USP15: variants seen among roughly 807,000 people sequenced by gnomAD.
The protein encoded by USP15 is ubiquitin specific peptidase 15.
Under a neutral mutation model 127.1 loss-of-function variants are expected in USP15, and 18 were observed. That is an observed-to-expected ratio of 0.14 (90% confidence interval 0.10 to 0.21). The LOEUF is 0.21. Ranked by LOEUF, USP15 falls within the 10% of genes least tolerant of loss-of-function variation. USP15 has a pLI of 1.00. For synonymous variants in USP15, 364 were observed against 393.7 expected (o/e 0.92, Z 0.89); for missense variants, 805 against 1,159.9 (o/e 0.69, Z 4.44).
chr12:62,326,067 G>T (rs2065113032), intron 6 of USP15, 134 bp downstream of exon 6: 2 of 701,720 alleles, frequency 2.9e-6, no homozygotes, highest in South Asian at 2.8e-5. Flanking sequence ...TGAGTATTTT[G>T]TTCTTAGTAT....
chr12:62,346,052 T>G (rs1161188590), intron 6 of USP15, among the ~76,000 whole-genome samples: 1 of 152,174 alleles, frequency 6.6e-6, no homozygotes, highest in East Asian at 1.9e-4. Flanking sequence ...CGTAGTCGTT[T>G]CCTAACGTAA....
chr12:62,313,805 G>T (rs10506440), intron 3 of USP15, among the ~76,000 whole-genome samples: 33,984 of 151,468 alleles, frequency 0.22, 4,153 homozygotes, highest in African/African-American at 0.34. Flanking sequence ...ATAAAAATGT[G>T]TGTTGGATTA....
At chr12:62,318,154 A>C (rs73137519) in intron 4 of USP15, among the ~76,000 whole-genome samples, 11,700 of 152,254 alleles carry the variant, frequency 0.077, 583 homozygotes, top group Middle Eastern at 0.16. Context: ...CCATCAGCCA[A>C]GCTCAGCCAC....
At chr12:62,288,172 G>A (rs1221277964) in intron 1 of USP15, among the ~76,000 whole-genome samples, 1 of 151,998 alleles carries the variant, frequency 6.6e-6, no homozygotes, top group Non-Finnish European at 1.5e-5. Context: ...TCTGTAGATT[G>A]CTTTGGGCGG....
intron 1 of USP15, among the ~76,000 whole-genome samples, chr12:62,270,462 A>T (rs1364006434): frequency 6.6e-6 from 1 of 152,066 alleles, no homozygotes; most frequent in African/African-American, 2.4e-5. Context: ...GGATTTACTC[A>T]TATATTTTCT....
intron 1 of USP15, among the ~76,000 whole-genome samples, chr12:62,288,958 T>C (rs2063866788): frequency 6.6e-6 from 1 of 152,182 alleles, no homozygotes; most frequent in Admixed American, 6.5e-5. Context: ...CATGGTGTAT[T>C]ATCTTTTCGA....
At chr12:62,329,325 C>G (rs927557136) in intron 6 of USP15, among the ~76,000 whole-genome samples, 1 of 152,088 alleles carries the variant, frequency 6.6e-6, no homozygotes, top group Non-Finnish European at 1.5e-5. Flanking sequence ...GAGCCAAGAT[C>G]GTGCCACTGC....
intron 1 of USP15, among the ~76,000 whole-genome samples, chr12:62,269,126 A>T (rs1004489613): frequency 1.3e-5 from 2 of 152,122 alleles, no homozygotes; most frequent in East Asian, 3.9e-4. Context: ...TCACTTAATG[A>T]CAAGGATAAC....
intron 6 of USP15, chr12:62,335,576 C>G (rs1053090506): frequency 6.2e-5 from 63 of 1,024,306 alleles, no homozygotes; most frequent in Non-Finnish European, 6.7e-5. Context: ...CATAGTGCCA[C>G]ACATATGGTA....
At chr12:62,353,519 G>C (rs1480572131) in intron 7 of USP15, among the ~76,000 whole-genome samples, 3 of 152,008 alleles carry the variant, frequency 2.0e-5, no homozygotes, top group African/African-American at 7.2e-5. Flanking sequence ...ATACTTTCCT[G>C]TGTGCTCTGG....
intron 2 of USP15, among the ~76,000 whole-genome samples, chr12:62,294,925 C>T (rs952838374): frequency 5.3e-5 from 8 of 152,164 alleles, no homozygotes; most frequent in Non-Finnish European, 2.9e-5. Flanking sequence ...TTGAGAGATG[C>T]GAAACAAAAT....
At chr12:62,312,068 TA>T (rs1270677005) in intron 3 of USP15, among the ~76,000 whole-genome samples, 2 of 151,794 alleles carry the variant, frequency 1.3e-5, no homozygotes, top group Non-Finnish European at 3.0e-5. Context: ...TGTATTTATC[TA>T]CTTCTCTGTC....
intron 6 of USP15, among the ~76,000 whole-genome samples, chr12:62,329,536 GAAC>G (rs1565859860): frequency 7.9e-5 from 12 of 152,106 alleles, no homozygotes; most frequent in African/African-American, 2.4e-4. Flanking sequence ...GTCAGCTTTG[GAAC>G]TTTTAAAACC....
chr12:62,303,099 C>G, intron 3 of USP15, 179 bp downstream of exon 3: 1 of 589,108 alleles, frequency 1.7e-6, no homozygotes, highest in Non-Finnish European at 2.8e-6. Context: ...CTTATGCTAG[C>G]CACTATTGTA....
intron 6 of USP15, among the ~76,000 whole-genome samples, chr12:62,346,916 C>A (rs772423405): frequency 6.6e-6 from 1 of 152,188 alleles, no homozygotes; most frequent in Non-Finnish European, 1.5e-5. Flanking sequence ...TTCTTCCTAA[C>A]TGTAATACTC....
chr12:62,312,042 G>A (rs2064694906), intron 3 of USP15, among the ~76,000 whole-genome samples: 1 of 151,742 alleles, frequency 6.6e-6, no homozygotes, highest in Admixed American at 6.6e-5. Flanking sequence ...TAAGAACTAT[G>A]ATTTCATAGT....
intron 19 of USP15, 79 bp from the exon 20 acceptor site, chr12:62,396,216 A>G: frequency 1.8e-6 from 2 of 1,122,154 alleles, no homozygotes; most frequent in Non-Finnish European, 2.5e-6. Flanking sequence ...ATGTATGTCA[A>G]ACAACAATGG....
intron 6 of USP15, among the ~76,000 whole-genome samples, chr12:62,332,174 A>G (rs1042640877): frequency 1.3e-5 from 2 of 152,028 alleles, no homozygotes; most frequent in Admixed American, 1.3e-4. Flanking sequence ...AAAAAGAAAA[A>G]AAAAAAAAAA....
chr12:62,391,310 C>T lies in USP15; in HGVS notation c.2114C>T (p.Thr705Met), dbSNP rs376173861. The T allele has an allele frequency of 1.3e-5, 21 of 1,613,218 alleles. No homozygotes were observed. Among genetic ancestry groups the T allele is most frequent in the Middle Eastern group, 1.7e-4 (1 of 6,058 alleles). Residue 705 changes from threonine to methionine, a missense_variant, in exon 16 of 22, where the codon ACG (threonine) becomes ATG (methionine). This residue lies in a region of USP15 where 225 missense variants were observed against 239.5 expected (regional missense o/e 0.94). Coordinates refer to ENST00000280377, the MANE Select transcript of USP15 (RefSeq NM_001252078.2). ...GAGGATACTTGCAAAGGTCAACTCA[C>T]GGGACACAAAAAACGATTGTTTACA... ...CTEDTCKGQL[T>M]GHKKRLFTFQ...
Sources: gnomAD v4.1 joint callset for allele counts (sites outside exome capture counted in the v4.1 genomes callset) on GRCh38, gnomAD v4.1.1 for gene constraint, gnomAD v4.1.1 regional missense constraint, MANE v1.5 for transcripts, NCBI Gene and HGNC (gene_info 2026-07-23, HGNC 2026-07-21) for gene names.